MAFK: variants seen among roughly 807,000 people sequenced by gnomAD.
The protein encoded by MAFK is MAF bZIP transcription factor K.
Under a neutral mutation model 9.2 loss-of-function variants are expected in MAFK, and 1 was observed. The ratio of observed to expected loss-of-function variants is 0.11; its 90% CI spans 0.04 to 0.52. The LOEUF is 0.52. Among genes scored for constraint, MAFK ranks in the 20% least tolerant of loss-of-function variants. The pLI is 0.94. For synonymous variants in MAFK, 110 were observed against 107.4 expected (o/e 1.02, Z -0.15); for missense variants, 207 against 236.0 (o/e 0.88, Z 0.81).
Position 1,541,355 on chromosome 7 carries a change from G to A in MAFK, c.*980G>A, listed in dbSNP as rs971936851. 3 of 153,032 alleles carry A rather than the reference G, an allele frequency of 2.0e-5. No individual in the cohort carries two copies. In the Admixed American group the frequency reaches 2.0e-4, roughly 10 times the overall value. 9.5% of individuals were successfully genotyped at this position (153,032 alleles called of 1,614,324 possible). On this transcript the variant is annotated 3_prime_UTR_variant, in exon 3 of 3. Coordinates refer to ENST00000343242, the MANE Select transcript of MAFK (RefSeq NM_002360.4). ...TGCAGGGGGAACGAGGAGGTCTTTT[G>A]GGGGCCTGGCGAGGGGAAGGGCTGC...
In MAFK at chr7:1,540,747, T is replaced by C. The variant is rs1483817167; in HGVS notation, c.*372T>C. On this transcript the variant is annotated 3_prime_UTR_variant, in exon 3 of 3. Coordinates refer to ENST00000343242, the MANE Select transcript of MAFK (RefSeq NM_002360.4). ...CACGGCCCCAGGAGTCAGGCCCCTG[T>C]GGTCAGGTCTAGCATGGGGCTTGTT... 2 of 250,984 alleles carry C rather than the reference T, an allele frequency of 8.0e-6. No homozygotes were observed. Among genetic ancestry groups the C allele is most frequent in the South Asian group, 5.9e-5 (1 of 16,992 alleles). 15.5% of individuals were successfully genotyped at this position (250,984 alleles called of 1,614,324 possible). A position where few individuals can be genotyped will look rare whatever the true frequency, so the allele number is the denominator to read the frequency against.
intron 2 of MAFK, among the ~76,000 whole-genome samples, chr7:1,539,500 A>G (rs947341006): frequency 6.7e-6 from 1 of 149,936 alleles, no homozygotes; most frequent in Non-Finnish European, 1.5e-5. Flanking sequence ...GCGCTACTGC[A>G]TGAGCTCATC....
At chr7:1,539,896 C>T (rs1784133933) in intron 2 of MAFK, 45 bp from the exon 3 acceptor site, 1 of 1,446,584 alleles carries the variant, frequency 6.9e-7, no homozygotes, top group Admixed American at 2.3e-5. Flanking sequence ...CCCAGGCAGA[C>T]ACCCCACGTT....
intron 1 of MAFK, among the ~76,000 whole-genome samples, chr7:1,535,450 C>T (rs910908366): frequency 6.6e-6 from 1 of 152,160 alleles, no homozygotes; most frequent in Non-Finnish European, 1.5e-5. Context: ...AGTCCAGGAG[C>T]TCGAGACCAG....
At chr7:1,538,580 T>G (rs1784097209) in intron 1 of MAFK, 1 of 370,024 alleles carries the variant, frequency 2.7e-6, no homozygotes, top group East Asian at 1.6e-4. Flanking sequence ...GGATCCAGGC[T>G]GGGTCCGGAG....
At chr7:1,537,266 C>T (rs373020478) in intron 1 of MAFK, 9 of 525,774 alleles carry the variant, frequency 1.7e-5, no homozygotes, top group Non-Finnish European at 2.2e-5. Context: ...TGTGCTGCCA[C>T]GGCGGGCAGT....
rs780224701 is a variant in MAFK at position 1,534,588 on chromosome 7, C to G, written c.-45+3690C>G. The G allele has an allele frequency of 4.8e-5, 22 of 456,510 alleles. No homozygotes were observed. The Admixed American group carries it at 5.2e-4, about 11-fold the overall frequency. 28.3% of individuals were successfully genotyped at this position (456,510 alleles called of 1,614,324 possible). On this transcript the variant is annotated intron_variant, in intron 1 of 2. Transcript: ENST00000343242. The surrounding 1 kb of genome is among the most constrained non-coding windows in gnomAD (Gnocchi z 4.3). The stretch of plus-strand genomic sequence containing the variant: ...TCTTCCTCCTGCCCCTCCTCCCTCT[C>G]CCGCATCCCACATCCTCGGAGACCC...
intron 1 of MAFK, among the ~76,000 whole-genome samples, chr7:1,535,819 G>A (rs1424024048): frequency 6.6e-6 from 1 of 152,192 alleles, no homozygotes; most frequent in Non-Finnish European, 1.5e-5. Flanking sequence ...CTTCCTGGGC[G>A]GAGCCGCCCT....
intron 1 of MAFK, among the ~76,000 whole-genome samples, chr7:1,535,830 G>T (rs890894812): frequency 6.6e-6 from 1 of 152,206 alleles, no homozygotes; most frequent in African/African-American, 2.4e-5. Flanking sequence ...GAGCCGCCCT[G>T]CCCTGCGCTT....
intron 1 of MAFK, among the ~76,000 whole-genome samples, chr7:1,531,305 C>T (rs1284263129): frequency 6.6e-6 from 1 of 151,242 alleles, no homozygotes; most frequent in African/African-American, 2.4e-5. Flanking sequence ...GCGGGGAGGG[C>T]GCGGGCGCGT....
In MAFK at chr7:1,542,280, A is replaced by G. The variant is rs941506209; in HGVS notation, c.*1905A>G. The G allele has an allele frequency of 6.6e-6, 1 of 152,662 alleles. No individual in the cohort carries two copies. The highest frequency in any genetic ancestry group is 1.5e-5 in the Non-Finnish European group (1 of 68,056). 9.5% of individuals were successfully genotyped at this position (152,662 alleles called of 1,614,324 possible). On this transcript the variant is annotated 3_prime_UTR_variant, in exon 3 of 3. Transcript: ENST00000343242. ...CACAGTTTATCTACAGATTTTTCGT[A>G]ACAATCTTTCTTTTCCAGTTTGATA...
intron 2 of MAFK, 72 bp downstream of exon 2, chr7:1,539,300 C>A: frequency 7.5e-7 from 1 of 1,325,958 alleles, no homozygotes; most frequent in East Asian, 2.3e-5. Context: ...ACAGCCCCTG[C>A]TATCCCAGGG....
At chr7:1,539,735 C>T (rs3824071) in intron 2 of MAFK, among the ~76,000 whole-genome samples, 80,232 of 152,126 alleles carry the variant, frequency 0.53, 21,407 homozygotes, top group East Asian at 0.64. Flanking sequence ...TGGCTTTTCC[C>T]GTTCAGAAAG....
Position 1,534,623 on chromosome 7 carries a change from A to G in MAFK, c.-45+3725A>G, listed in dbSNP as rs372978205. 678 of 456,098 alleles carry G rather than the reference A, an allele frequency of 1.5e-3. 6 individuals are homozygous for G. Among genetic ancestry groups the G allele is most frequent in the South Asian group, 9.8e-3 (633 of 64,558 alleles). 28.3% of individuals were successfully genotyped at this position (456,098 alleles called of 1,614,324 possible). ...ACATCCTCGGAGACCCGCGGAGAAT[A>G]GAAGTGGAAGGGCCACTCCGTCTTG... is the stretch of plus-strand genomic sequence containing the variant. On this transcript the variant is annotated intron_variant, in intron 1 of 2. Coordinates refer to ENST00000343242, the MANE Select transcript of MAFK (RefSeq NM_002360.4). The surrounding 1 kb of genome is among the most constrained non-coding windows in gnomAD (Gnocchi z 4.3).
rs768500906 is a variant in MAFK at position 1,535,680 on chromosome 7, C to T, written c.-44-3469C>T. On this transcript the variant is annotated intron_variant, in intron 1 of 2. Transcript: ENST00000343242. ...TGAAAATTAAAAGGGAAAACATGAT[C>T]CTCCAGAAGCTGAGGTGGCTGCCTG... 2.9e-4 allele frequency among the ~76,000 whole-genome samples: 44 copies of T among 152,232 alleles called. 2 individuals carry two copies. The highest frequency in any genetic ancestry group is 7.3e-5 in the Non-Finnish European group (5 of 68,052).
In MAFK at chr7:1,535,596, G is replaced by A. The variant is rs372640335; in HGVS notation, c.-44-3553G>A. Among the ~76,000 whole-genome samples the A allele has an allele frequency of 2.1e-3, 327 of 152,326 alleles. 2 individuals are homozygous for A. Among genetic ancestry groups the A allele is most frequent in the South Asian group, 0.014 (68 of 4,830 alleles). On this transcript the variant is annotated intron_variant, in intron 1 of 2. Transcript: ENST00000343242. Reference sequence around the variant, plus strand: ...CTTGAGCTCAGGAGGTCTGCAGTGAGCTGTGATTTCACCACTGCACTCCAG... The same window carrying A: ...CTTGAGCTCAGGAGGTCTGCAGTGAACTGTGATTTCACCACTGCACTCCAG...
intron 1 of MAFK, among the ~76,000 whole-genome samples, chr7:1,535,641 C>G (rs1318779442): frequency 6.6e-6 from 1 of 152,212 alleles, no homozygotes; most frequent in Non-Finnish European, 1.5e-5. Flanking sequence ...CAGAGTGACA[C>G]CTTGTCTCTA....
At chr7:1,537,353 A>T in intron 1 of MAFK, 1 of 984,624 alleles carries the variant, frequency 1.0e-6, no homozygotes. Flanking sequence ...CTCTGTAAAC[A>T]TCTGGTGACT....
chr7:1,531,774 C>T lies in MAFK; in HGVS notation c.-45+876C>T, dbSNP rs556965533. 1.1e-4 allele frequency among the ~76,000 whole-genome samples: 16 copies of T among 152,328 alleles called. No homozygotes were observed. In the East Asian group the frequency reaches 2.7e-3, roughly 26 times the overall value. On this transcript the variant is annotated intron_variant, in intron 1 of 2. Coordinates refer to ENST00000343242, the MANE Select transcript of MAFK (RefSeq NM_002360.4). ...CCAGAAAGCCAGGACCCCGCCTGGC[C>T]TTGGCCCTTGACCTGGGTCCGCCTG...
Sources: allele counts gnomAD v4.1 joint callset (sites outside exome capture counted in the v4.1 genomes callset), GRCh38; gene constraint gnomAD v4.1.1; non-coding constraint Gnocchi (gnomAD v3.1); transcripts MANE v1.5; gene names NCBI Gene and HGNC (gene_info 2026-07-23, HGNC 2026-07-21).